Variants in SMIM35 observed in about 807,000 individuals in gnomAD.
SMIM35 encodes the protein TMPRSS4 antisense RNA 1 (non-protein coding).
intron 1 of SMIM35, among the ~76,000 whole-genome samples, chr11:118,053,605 C>T (rs1017387346): frequency 3.6e-4 from 55 of 152,304 alleles, no homozygotes; most frequent in African/African-American, 1.3e-3. Context: ...TGTTGCCTTC[C>T]CCCAAGAACT....
At chr11:118,065,894 C>T (rs965901360) in intron 1 of SMIM35, among the ~76,000 whole-genome samples, 2 of 152,184 alleles carry the variant, frequency 1.3e-5, no homozygotes, top group Non-Finnish European at 2.9e-5. Context: ...CCACTGGTAA[C>T]AATCAGGGTC....
intron 1 of SMIM35, among the ~76,000 whole-genome samples, chr11:118,076,079 C>A (rs1056375800): frequency 5.9e-5 from 9 of 152,180 alleles, no homozygotes; most frequent in Admixed American, 6.5e-5. Context: ...ACCAGCCTGG[C>A]CAACATGGCA....
intron 1 of SMIM35, among the ~76,000 whole-genome samples, chr11:118,035,237 A>G (rs2058350736): frequency 6.6e-6 from 1 of 152,022 alleles, no homozygotes; most frequent in Non-Finnish European, 1.5e-5. Context: ...AATTTAAACA[A>G]CTTTTCCACC....
intron 1 of SMIM35, among the ~76,000 whole-genome samples, chr11:118,086,236 A>G (rs1793842737): frequency 1.3e-5 from 2 of 152,218 alleles, no homozygotes; most frequent in African/African-American, 4.8e-5. Context: ...ACAAAAGCTG[A>G]TTCTTAAATG....
chr11:118,024,049 A>G (rs2058254189), intron 1 of SMIM35, among the ~76,000 whole-genome samples: 1 of 151,860 alleles, frequency 6.6e-6, no homozygotes. Flanking sequence ...AGAAAAGAGT[A>G]TTAGTGAGGT....
intron 1 of SMIM35, among the ~76,000 whole-genome samples, chr11:118,066,027 G>A (rs1944469089): frequency 1.3e-5 from 2 of 151,974 alleles, no homozygotes; most frequent in Non-Finnish European, 2.9e-5. Flanking sequence ...CCTGGGCCCT[G>A]CTGGGGAAGA....
chr11:118,041,305 C>G (rs1213219508), intron 1 of SMIM35, among the ~76,000 whole-genome samples: 2 of 151,996 alleles, frequency 1.3e-5, no homozygotes, highest in Non-Finnish European at 2.9e-5. Flanking sequence ...CACTACGGAC[C>G]AACTACACCT....
At chr11:118,019,373 C>T (rs1468787384) in intron 1 of SMIM35, among the ~76,000 whole-genome samples, 2 of 152,044 alleles carry the variant, frequency 1.3e-5, no homozygotes, top group Admixed American at 6.6e-5. Context: ...GTGAGTTCCC[C>T]GAGTTCCAGC....
chr11:118,014,336 A>G lies in SMIM35; in HGVS notation c.158+372T>C, dbSNP rs1343431928. Among the ~76,000 whole-genome samples, 49 of 152,184 alleles carry G rather than the reference A, an allele frequency of 3.2e-4. 1 individual carries two copies. Among genetic ancestry groups the G allele is most frequent in the Non-Finnish European group, 1.8e-4 (12 of 67,994 alleles). On this transcript the variant is annotated intron_variant, in intron 3 of 4. Transcript: ENST00000689828. ...AGGAAGGAAGGAAGGGAAGGGAAGG[A>G]AAGGAAAGGAAGGAAGAAAGGAAGG...
chr11:118,084,368 G>C lies in SMIM35; in HGVS notation c.7+2383C>G, dbSNP rs546963361. Among the ~76,000 whole-genome samples, 163 of 152,340 alleles carry C rather than the reference G, an allele frequency of 1.1e-3. 1 individual carries two copies. The South Asian group carries it at 0.031, about 29-fold the overall frequency. On this transcript the variant is annotated intron_variant, in intron 1 of 4. Coordinates refer to ENST00000689828, the MANE Select transcript of SMIM35 (RefSeq NM_001394165.1). ...CTCGACGAGTTATGTGAGTGGGCAG[G>C]AAAGCAGTAAAGGAACTTCAGGTTA...
chr11:118,023,412 G>T (rs1490069590), intron 1 of SMIM35, among the ~76,000 whole-genome samples: 1 of 151,898 alleles, frequency 6.6e-6, no homozygotes, highest in African/African-American at 2.4e-5. Flanking sequence ...GTGCAGATTA[G>T]TTACATATGT....
intron 3 of SMIM35, 146 bp downstream of exon 3, chr11:118,014,562 T>C: frequency 2.5e-6 from 1 of 396,652 alleles, no homozygotes. Context: ...TCTAAATGGA[T>C]TCTCGTGCCC....
chr11:118,038,208 G>A (rs755778513), intron 1 of SMIM35, among the ~76,000 whole-genome samples: 4 of 152,166 alleles, frequency 2.6e-5, no homozygotes, highest in African/African-American at 9.7e-5. Flanking sequence ...GCAGGCTTCG[G>A]GCGTGAACTG....
At chr11:118,029,700 C>T (rs1479626259) in intron 1 of SMIM35, 8 of 457,272 alleles carry the variant, frequency 1.7e-5, no homozygotes, top group Non-Finnish European at 3.5e-5. Flanking sequence ...ATTCATGGAA[C>T]CAGTCTCGTT....
At chr11:118,018,492 G>A (rs990102131) in intron 1 of SMIM35, among the ~76,000 whole-genome samples, 1 of 152,202 alleles carries the variant, frequency 6.6e-6, no homozygotes, top group African/African-American at 2.4e-5. Context: ...GACAGAGAGA[G>A]GGACAGTGAC....
intron 1 of SMIM35, among the ~76,000 whole-genome samples, chr11:118,049,730 T>C (rs1042646352): frequency 6.6e-6 from 1 of 152,174 alleles, no homozygotes; most frequent in Admixed American, 6.5e-5. Context: ...CAAATATACT[T>C]TATAAATACA....
At chr11:118,023,523 G>A (rs2058248847) in intron 1 of SMIM35, among the ~76,000 whole-genome samples, 1 of 96,346 alleles carries the variant, frequency 1.0e-5, no homozygotes, top group African/African-American at 4.4e-5. Context: ...CCCCACAACA[G>A]TCCCCAGAGT....
intron 1 of SMIM35, among the ~76,000 whole-genome samples, chr11:118,057,919 G>A (rs1176037768): frequency 6.6e-6 from 1 of 152,178 alleles, no homozygotes; most frequent in Non-Finnish European, 1.5e-5. Context: ...GGCAATTTTT[G>A]TGGAATGAAA....
At chr11:118,084,348 C>T (rs941088207) in intron 1 of SMIM35, among the ~76,000 whole-genome samples, 1 of 152,158 alleles carries the variant, frequency 6.6e-6, no homozygotes, top group Admixed American at 6.5e-5. Context: ...AAGCACTCGA[C>T]GAGTTATGTG....
Sources: gnomAD v4.1 joint callset for allele counts (sites outside exome capture counted in the v4.1 genomes callset) on GRCh38, gnomAD v4.1.1 for gene constraint, MANE v1.5 for transcripts, NCBI Gene and HGNC (gene_info 2026-07-23, HGNC 2026-07-21) for gene names.